The following USP28 variants were observed in gnomAD, a reference collection of about 807,000 sequenced individuals.
USP28 encodes the protein ubiquitin carboxyl-terminal hydrolase 28.
In USP28, 113 loss-of-function variants were observed where a neutral mutation model predicts 145.0. The observed-to-expected ratio is 0.78, with a 90% CI of 0.67 to 0.91. The LOEUF (loss-of-function observed/expected upper bound fraction) is 0.91, where lower values mean the gene tolerates loss of function less well. USP28 is among the 40% of genes least tolerant of loss of function. The pLI, the probability that USP28 is intolerant of heterozygous loss-of-function variation, is 0.00. For missense variants in USP28, 1,201 were observed against 1,289.6 expected (o/e 0.93, Z 1.05); for synonymous variants, 447 against 450.9 (o/e 0.99, Z 0.11).
At chr11:113,838,848 C>A (rs566030127) in intron 5 of USP28, among the ~76,000 whole-genome samples, 1 of 152,336 alleles carries the variant, frequency 6.6e-6, no homozygotes, top group Admixed American at 6.5e-5. Flanking sequence ...GTGCCAGGCA[C>A]ATAGAAGCTG....
rs1415156348 is a variant in USP28 at position 113,803,177 on chromosome 11, T to C, written c.2843A>G (p.Tyr948Cys). ...ACAAACCAGAAGGCATTTTCTTCGG[T>C]ATAAAGCAATCACGGATTCTTTGAC... Residue 948 changes from tyrosine to cysteine, a missense_variant, in exon 23 of 25, where the codon TAC becomes TGC. By Grantham distance (194) the Tyr-to-Cys change is radical (BLOSUM62 -2). Transcript: ENST00000003302. 5.6e-6 allele frequency: 9 copies of C among 1,613,928 alleles called. No homozygotes were observed. The highest frequency in any genetic ancestry group is 7.6e-6 in the Non-Finnish European group (9 of 1,179,974).
chr11:113,859,068 G>C (rs753966687), intron 1 of USP28, among the ~76,000 whole-genome samples: 2 of 151,854 alleles, frequency 1.3e-5, no homozygotes, highest in Non-Finnish European at 2.9e-5. Flanking sequence ...TTTGGAAATG[G>C]GGGTCTCGCT....
At chr11:113,848,462 T>TA (rs942527478) in intron 3 of USP28, among the ~76,000 whole-genome samples, 1 of 152,166 alleles carries the variant, frequency 6.6e-6, no homozygotes, top group Non-Finnish European at 1.5e-5. Flanking sequence ...AAGCCTTATG[T>TA]ACACCAGTGG....
chr11:113,816,653 C>T (rs1043950395), intron 13 of USP28, among the ~76,000 whole-genome samples: 8 of 152,154 alleles, frequency 5.3e-5, no homozygotes, highest in African/African-American at 1.9e-4. Context: ...ACAGATATCT[C>T]AATTTCAGAG....
At chr11:113,873,840 G>T (rs1949060797) in intron 1 of USP28, among the ~76,000 whole-genome samples, 1 of 152,140 alleles carries the variant, frequency 6.6e-6, no homozygotes, top group Admixed American at 6.6e-5. Flanking sequence ...TTTTCTACAT[G>T]AGTTTTAAAA....
intron 5 of USP28, among the ~76,000 whole-genome samples, chr11:113,838,429 T>G (rs1366713706): frequency 6.6e-6 from 1 of 152,192 alleles, no homozygotes; most frequent in Non-Finnish European, 1.5e-5. Flanking sequence ...ATCTTCATCA[T>G]GACCCCAAGC....
chr11:113,871,623 A>G (rs1222363554), intron 1 of USP28, among the ~76,000 whole-genome samples: 1 of 152,210 alleles, frequency 6.6e-6, no homozygotes, highest in Non-Finnish European at 1.5e-5. Context: ...TTTATCTCTA[A>G]GAAATGAAAG....
At chr11:113,809,791 G>A (rs1940658960) in intron 16 of USP28, among the ~76,000 whole-genome samples, 1 of 152,182 alleles carries the variant, frequency 6.6e-6, no homozygotes, top group Non-Finnish European at 1.5e-5. Flanking sequence ...CCAGCACTTT[G>A]GGAGGCCAAG....
At position 113,806,485 on chromosome 11, in the gene USP28, A is replaced by T. The variant is rs1186738043; in HGVS notation, c.2400+4T>A. 13 of 1,609,228 alleles carry T rather than the reference A, an allele frequency of 8.1e-6. No homozygotes were observed. Among genetic ancestry groups the T allele is most frequent in the Admixed American group, 1.7e-5 (1 of 59,796 alleles). Reference sequence around the variant, plus strand: ...AAGAATTAGAATTTTAAAAACAGAGATACCTTAATCAGCCCTGCTTCAGAC... The same window carrying T: ...AAGAATTAGAATTTTAAAAACAGAGTTACCTTAATCAGCCCTGCTTCAGAC... On this transcript the variant is annotated splice_donor_region_variant and intron_variant, in intron 19 of 24. Coordinates refer to ENST00000003302, the Ensembl canonical transcript of USP28.
intron 1 of USP28, among the ~76,000 whole-genome samples, chr11:113,864,165 C>T (rs1018853836): frequency 6.6e-6 from 1 of 151,986 alleles, no homozygotes; most frequent in African/African-American, 2.4e-5. Flanking sequence ...CCCTTGAACT[C>T]CAGAGGTGGA....
chr11:113,803,961 A>G (rs1939499111), intron 21 of USP28, 84 bp from the exon 23 acceptor site: 3 of 1,239,988 alleles, frequency 2.4e-6, no homozygotes, highest in African/African-American at 1.5e-5. Flanking sequence ...ATTCATTACA[A>G]ATATTTACTG....
chr11:113,863,929 A>G (rs557729458), intron 1 of USP28, among the ~76,000 whole-genome samples: 2 of 148,330 alleles, frequency 1.3e-5, no homozygotes, highest in South Asian at 4.3e-4. Flanking sequence ...TGGGCGACAC[A>G]GCGAGACTCC....
chr11:113,843,301 G>A (rs1945417460), intron 3 of USP28, among the ~76,000 whole-genome samples: 1 of 151,922 alleles, frequency 6.6e-6, no homozygotes, highest in Admixed American at 6.6e-5. Context: ...TCACCTACAA[G>A]GGAAACCCAA....
chr11:113,865,244 G>T (rs1452509877), intron 1 of USP28, among the ~76,000 whole-genome samples: 1 of 152,176 alleles, frequency 6.6e-6, no homozygotes, highest in Non-Finnish European at 1.5e-5. Context: ...GCGTGTGGCT[G>T]GGGGTTGCGG....
At position 113,833,404 on chromosome 11, in the gene USP28, A is replaced by C; in HGVS notation, c.759+16T>G. On this transcript the variant is annotated intron_variant, in intron 7 of 24. Transcript: ENST00000003302. ...AAGGCATGACTTCAAACTCAAGAAC[A>C]AGGCTTCTTTTGTACCTGCTGTTCC... 6.2e-7 allele frequency: 1 copy of C among 1,608,802 alleles called. No individual in the cohort carries two copies. The highest frequency in any genetic ancestry group is 1.1e-5 in the South Asian group (1 of 90,602).
At chr11:113,821,663 AG>A (rs895978399) in intron 12 of USP28, 1 of 194,596 alleles carries the variant, frequency 5.1e-6, no homozygotes, top group Non-Finnish European at 1.1e-5. Flanking sequence ...CTGGGAAGGG[AG>A]GGGTCTTCCA....
chr11:113,839,763 G>A (rs912414286), intron 5 of USP28, among the ~76,000 whole-genome samples: 1 of 151,976 alleles, frequency 6.6e-6, no homozygotes, highest in Non-Finnish European at 1.5e-5. Context: ...GGTGGCTCAC[G>A]CCTCTAATCC....
chr11:113,801,841 T>G, intron 23 of USP28, 163 bp from the exon 25 acceptor site: 1 of 529,960 alleles, frequency 1.9e-6, no homozygotes, highest in Non-Finnish European at 3.2e-6. Context: ...ATAAGCTGAT[T>G]TAATTAGTGT....
chr11:113,804,697 A>G (rs1336253308), exon 21 of USP28: 1 of 1,614,090 alleles, frequency 6.2e-7, no homozygotes, highest in Non-Finnish European at 8.5e-7. Context: ...TATTCATGTC[A>G]TCTGGACCAA....
Sources: allele counts gnomAD v4.1 joint callset (sites outside exome capture counted in the v4.1 genomes callset), GRCh38; gene constraint gnomAD v4.1.1; transcripts MANE v1.5; gene names NCBI Gene and HGNC (gene_info 2026-07-23, HGNC 2026-07-21).